The following REG1B variants were observed in gnomAD, a reference collection of about 807,000 sequenced individuals.
REG1B encodes lithostathine-1-beta.
REG1B carries 21 observed loss-of-function variants against 20.4 expected under a neutral mutation model. The ratio of observed to expected loss-of-function variants is 1.03; its 90% confidence interval spans 0.73 to 1.48. REG1B has a LOEUF of 1.48. Ranked by LOEUF, REG1B falls within the 40% of genes most tolerant of loss-of-function variation. The pLI is 0.00. For missense variants in REG1B, 247 were observed against 197.2 expected, an observed-to-expected ratio of 1.25 and a Z score of -1.51; for synonymous variants, 82 against 73.4, an observed-to-expected ratio of 1.12 and a Z score of -0.60.
Position 79,085,593 on chromosome 2 carries a change from C to A in REG1B, c.332G>T (p.Trp111Leu), listed in dbSNP as rs779780447. The change falls in exon 5 of 6, where the codon TGG becomes TTG. Residue 111 changes from tryptophan to leucine, a missense_variant. Trp to Leu is a moderately conservative substitution (Grantham distance 61). Transcript: ENST00000305089. ...GLHDPKKNRR[W>L]HWSSGSLVSY... is the part of the protein sequence containing the mutation. Reference sequence around the variant, plus strand: ...GACCAGGGACCCACTACTCCAGTGCCAGCGGCGGTTCTAGATGGAGAAGGG... The same window carrying A: ...GACCAGGGACCCACTACTCCAGTGCAAGCGGCGGTTCTAGATGGAGAAGGG... 3.7e-6 allele frequency: 6 copies of A among 1,612,186 alleles called. No homozygotes were observed. Among genetic ancestry groups the A allele is most frequent in the Non-Finnish European group, 4.2e-6 (5 of 1,179,044 alleles).
In REG1B at chr2:79,085,174, T is replaced by G. The variant is rs768261807; in HGVS notation, c.*42A>C. The stretch of plus-strand genomic sequence containing the variant: ...TCTAGTTTAATTTTTGACTTCATAG[T>G]AATTGCAGGACCAGTTCTAGACATC... On this transcript the variant is annotated 3_prime_UTR_variant, in exon 6 of 6. Transcript: ENST00000305089. 1 of 1,429,472 alleles carries G rather than the reference T, an allele frequency of 7.0e-7. No individual in the cohort carries two copies. The highest frequency in any genetic ancestry group is 1.7e-5 in the Admixed American group (1 of 59,570). 88.5% of individuals were successfully genotyped at this position (1,429,472 alleles called of 1,614,324 possible). A position where few individuals can be genotyped will look rare whatever the true frequency, so the allele number is the denominator to read the frequency against.
intron 5 of REG1B, 99 bp from the exon 6 acceptor site, chr2:79,085,382 T>C (rs775292668): frequency 1.9e-5 from 26 of 1,341,262 alleles, no homozygotes; most frequent in Non-Finnish European, 2.7e-5. Context: ...AAATACTTCT[T>C]TATTTTCCAG....
chr2:79,087,855 T>C, intron 1 of REG1B, 104 bp downstream of exon 1: 1 of 429,642 alleles, frequency 2.3e-6, no homozygotes, highest in Non-Finnish European at 4.1e-6. Context: ...TTAAGTTTCA[T>C]TACTACTGGG....
At position 79,085,529 on chromosome 2, in the gene REG1B, A is replaced by C. The variant is rs778363447; in HGVS notation, c.396T>G (p.Ala132=). The change falls in exon 5 of 6, where the codon GCT becomes GCG. Residue 132 remains alanine (A), a synonymous_variant. Transcript: ENST00000305089. The part of the protein sequence containing the change: ...KSWDTGSPSS[A]NAGYCASLTS... ...TCAGGCTTGCACAGTAGCCAGCATT[A>C]GCACTGCTCGGGGATCCAGTGTCCC... The C allele has an allele frequency of 6.2e-6, 10 of 1,613,892 alleles. No individual in the cohort carries two copies. The highest frequency in any genetic ancestry group is 1.7e-5 in the Admixed American group (1 of 59,986).
chr2:79,087,434 A>G, intron 2 of REG1B, 115 bp downstream of exon 2: 1 of 1,012,392 alleles, frequency 9.9e-7, no homozygotes, highest in African/African-American at 1.6e-5. Flanking sequence ...TGATCACTGA[A>G]CAACATAAAA....
At chr2:79,085,380 C>G (rs1242086700) in intron 5 of REG1B, 97 bp from the exon 6 acceptor site, 1 of 1,332,746 alleles carries the variant, frequency 7.5e-7, no homozygotes, top group Non-Finnish European at 1.1e-6. Flanking sequence ...GGAAATACTT[C>G]TTTATTTTCC....
chr2:79,085,640 C>T (rs764575659), intron 4 of REG1B, 37 bp from the exon 5 acceptor site: 5 of 1,391,596 alleles, frequency 3.6e-6, no homozygotes, highest in Non-Finnish European at 5.0e-6. Context: ...GCCATGGTCA[C>T]TCAAAAATCA....
At chr2:79,086,291 T>G in intron 4 of REG1B, 76 bp downstream of exon 4, 1 of 1,467,388 alleles carries the variant, frequency 6.8e-7, no homozygotes, top group Non-Finnish European at 9.4e-7. Flanking sequence ...AGTTGGTGAT[T>G]GCGGTGCCAG....
chr2:79,087,800 G>A (rs536548590), intron 1 of REG1B, 142 bp from the exon 2 acceptor site: 2 of 518,592 alleles, frequency 3.9e-6, no homozygotes, highest in East Asian at 3.2e-5. Flanking sequence ...CTTTTGGTTT[G>A]GGGATAACAG....
At chr2:79,087,523 G>A in intron 2 of REG1B, 26 bp downstream of exon 2, 1 of 1,611,476 alleles carries the variant, frequency 6.2e-7, no homozygotes, top group Non-Finnish European at 8.5e-7. Context: ...AGTTGGGGTT[G>A]TGGGAAGTGT....
At chr2:79,086,758 G>T in intron 3 of REG1B, 54 bp downstream of exon 3, 1 of 1,522,910 alleles carries the variant, frequency 6.6e-7, no homozygotes, top group Non-Finnish European at 9.1e-7. Context: ...CTGCAAATTA[G>T]CAGCTGCCTC....
Position 79,085,061 on chromosome 2 carries a change from T to G in REG1B, c.*155A>C, listed in dbSNP as rs1672376596. 3.9e-5 allele frequency: 25 copies of G among 639,472 alleles called. No individual in the cohort carries two copies. The South Asian group carries it at 4.8e-4, about 12-fold the overall frequency. The allele number at this position is 639,472 out of a possible 1,614,324, so 39.6% of individuals were successfully genotyped here. Reference sequence around the variant, plus strand: ...TAAGTTTGTTTTTATTTTTCAGGGCTCTAGAGACTGAGACAGGTGAAGGTA... The same window carrying G: ...TAAGTTTGTTTTTATTTTTCAGGGCGCTAGAGACTGAGACAGGTGAAGGTA... On this transcript the variant is annotated 3_prime_UTR_variant, in exon 6 of 6. Transcript: ENST00000305089.
chr2:79,087,671 AC>A lies in REG1B; in HGVS notation c.-46-14del. Reference sequence around the variant, plus strand: ...AAATCAGCAATCTCTGTAGGAGAACACAGGGAAGAGGGTTTGAAGAAGAGAG... The same window carrying A: ...AAATCAGCAATCTCTGTAGGAGAACAAGGGAAGAGGGTTTGAAGAAGAGAG... On this transcript the variant is annotated splice_polypyrimidine_tract_variant and intron_variant, in intron 1 of 5. Transcript: ENST00000305089. 1 of 1,548,220 alleles carries A rather than the reference AC, an allele frequency of 6.5e-7. No homozygotes were observed. Among genetic ancestry groups the A allele is most frequent in the Non-Finnish European group, 8.9e-7 (1 of 1,124,628 alleles).
intron 1 of REG1B, 87 bp downstream of exon 1, chr2:79,087,872 T>C (rs563730478): frequency 8.0e-5 from 31 of 389,120 alleles, no homozygotes; most frequent in Non-Finnish European, 1.2e-4. Flanking sequence ...TGGGATCTTT[T>C]ATTCAGAAAA....
chr2:79,086,292 G>T, intron 4 of REG1B, 75 bp downstream of exon 4: 1 of 1,466,008 alleles, frequency 6.8e-7, no homozygotes, highest in Non-Finnish European at 9.4e-7. Context: ...GTTGGTGATT[G>T]CGGTGCCAGA....
At position 79,085,353 on chromosome 2, in the gene REG1B, C is replaced by T. The variant is rs539502334; in HGVS notation, c.434-70G>A. The stretch of plus-strand genomic sequence containing the variant: ...TGTAGCCCCTCCTCAACCTAGGACT[C>T]AGAACAAAAAACTAGAGGAAATACT... On this transcript the variant is annotated intron_variant, in intron 5 of 5. Transcript: ENST00000305089. The T allele has an allele frequency of 1.2e-3, 1,708 of 1,402,606 alleles. 5 individuals are homozygous for T. The highest frequency in any genetic ancestry group is 1.6e-3 in the Non-Finnish European group (1,622 of 991,624). 86.9% of individuals were successfully genotyped at this position (1,402,606 alleles called of 1,614,324 possible).
In REG1B at chr2:79,086,362, C is replaced by T. The variant is rs770296799; in HGVS notation, c.321+5G>A. 9.3e-6 allele frequency: 15 copies of T among 1,614,022 alleles called. No individual in the cohort carries two copies. Among genetic ancestry groups the T allele is most frequent in the Non-Finnish European group, 1.3e-5 (15 of 1,179,932 alleles). On this transcript the variant is annotated splice_donor_5th_base_variant and intron_variant, in intron 4 of 5. Transcript: ENST00000305089. ...ATAAGGAGATAGAGGTGGCTGCAGA[C>T]TGACCTTTTTTGGGTCATGGAGGCC...
In REG1B at chr2:79,085,258, A is replaced by G. The variant is rs767710127; in HGVS notation, c.459T>C (p.Ser153=). ...CSGFKKWKDE[S]CEKKFSFVCK... ...AAACAAAGGAGAACTTCTTCTCACA[A>G]GATTCATCCTTCCATTTCTTGAATC... The change falls in exon 6 of 6, where the codon TCT becomes TCC. Residue 153 remains serine, a synonymous_variant. Coordinates refer to ENST00000305089, the MANE Select transcript of REG1B (RefSeq NM_006507.4). 35 of 1,613,164 alleles carry G rather than the reference A, an allele frequency of 2.2e-5. No homozygotes were observed. In the Admixed American group the frequency reaches 4.2e-4, roughly 19 times the overall value.
chr2:79,085,930 C>T (rs1522855), intron 4 of REG1B: 180,172 of 257,616 alleles, frequency 0.7, 63,344 homozygotes, highest in Admixed American at 0.75. Flanking sequence ...GTAGAGTAGT[C>T]GTTGATATAT....
Sources: gnomAD v4.1 joint callset for allele counts on GRCh38, gnomAD v4.1.1 for gene constraint, MANE v1.5 for transcripts, NCBI Gene and HGNC (gene_info 2026-07-23, HGNC 2026-07-21) for gene names.